The following CACNA1S variants were observed in gnomAD, a reference collection of about 807,000 sequenced individuals.
CACNA1S encodes the protein calcium voltage-gated channel subunit alpha1 S.
In CACNA1S, 126 loss-of-function variants were observed where a neutral mutation model predicts 207.4. The ratio of observed to expected loss-of-function variants is 0.61; its 90% confidence interval spans 0.53 to 0.70. CACNA1S has a LOEUF of 0.70. CACNA1S is among the 30% of genes least tolerant of loss of function. The probability of loss-of-function intolerance (pLI) is 0.00; values close to 1 mark genes in which losing one functional copy is unlikely to be tolerated. For synonymous variants in CACNA1S, 960 were observed against 932.7 expected (o/e 1.03, Z -0.53); for missense variants, 2,349 against 2,422.8 (o/e 0.97, Z 0.64).
intron 12 of CACNA1S, among the ~76,000 whole-genome samples, chr1:201,076,503 C>T (rs1174583776): frequency 6.6e-6 from 1 of 152,256 alleles, no homozygotes; most frequent in East Asian, 1.9e-4. Context: ...GCTGTGCCGC[C>T]CCTGCAGAGT....
intron 3 of CACNA1S, among the ~76,000 whole-genome samples, 194 bp downstream of exon 3, chr1:201,093,688 C>T (rs1430339475): frequency 2.0e-5 from 3 of 152,118 alleles, no homozygotes; most frequent in African/African-American, 4.8e-5. Context: ...CGGGCAGGGT[C>T]GGGGGCAATG....
chr1:201,077,090 G>A lies in CACNA1S; in HGVS notation c.1657C>T (p.Leu553Phe). ...TSLSNLVASL[L>F]NSIRSIASLL... The stretch of plus-strand genomic sequence containing the variant: ...GAGGCGATGGAGCGGATGGAGTTGA[G>A]CAGGGATGCCACCAGGTTGCTCAGC... The change falls in exon 12 of 44, where the codon CTC becomes TTC. Residue 553 changes from leucine to phenylalanine, a missense_variant. Coordinates refer to ENST00000362061, the MANE Select transcript of CACNA1S (RefSeq NM_000069.3). The A allele has an allele frequency of 6.2e-7, 1 of 1,614,196 alleles. No homozygotes were observed. Among genetic ancestry groups the A allele is most frequent in the East Asian group, 2.2e-5 (1 of 44,886 alleles).
Position 201,062,403 on chromosome 1 carries a change from ACTGTCCCACCATGCTCCCTGCCCCG to A in CACNA1S, c.2906+34_2906+58del. ...CTCCCACAGTGCTCCCTGCCCCGTG[ACTGTCCCACCATGCTCCCTGCCCCG>A]TGACCGTCCCACTGTGCTCCCTGCC... On this transcript the variant is annotated intron_variant, in intron 23 of 43. Coordinates refer to ENST00000362061, the MANE Select transcript of CACNA1S (RefSeq NM_000069.3). 8.5e-6 allele frequency: 13 copies of A among 1,528,700 alleles called. No individual in the cohort carries two copies. In the African/African-American group the frequency reaches 9.6e-5, roughly 11 times the overall value. The allele number at this position is 1,528,700 out of a possible 1,614,324, so 94.7% of individuals were successfully genotyped here. A position where few individuals can be genotyped will look rare whatever the true frequency, so the allele number is the denominator to read the frequency against.
chr1:201,086,361 C>T (rs1483241714), intron 7 of CACNA1S, among the ~76,000 whole-genome samples: 1 of 152,258 alleles, frequency 6.6e-6, no homozygotes, highest in African/African-American at 2.4e-5. Context: ...AAGCCAGTTA[C>T]AGCTAGGCTT....
chr1:201,107,692 A>C (rs548373783), intron 2 of CACNA1S, among the ~76,000 whole-genome samples: 1 of 152,206 alleles, frequency 6.6e-6, no homozygotes, highest in African/African-American at 2.4e-5. Context: ...ATAGGGCAAG[A>C]GAGAGAGTGC....
intron 26 of CACNA1S, among the ~76,000 whole-genome samples, chr1:201,060,249 G>T (rs1233879824): frequency 6.6e-6 from 1 of 152,134 alleles, no homozygotes; most frequent in African/African-American, 2.4e-5. Flanking sequence ...TCTATAAAGG[G>T]TGCTCAACTC....
chr1:201,108,080 A>C (rs550231682), intron 2 of CACNA1S, among the ~76,000 whole-genome samples: 28 of 151,704 alleles, frequency 1.8e-4, no homozygotes, highest in Non-Finnish European at 3.5e-4. Context: ...TTCAGGATGG[A>C]AGATGACATA....
In CACNA1S at chr1:201,075,631, A is replaced by G; in HGVS notation, c.1828-16T>C. ...CTGTCAGTACCTGTATGGAGGGAGG[A>G]TAGAGGGCTCGGGAACACAGAGGGG... On this transcript the variant is annotated splice_polypyrimidine_tract_variant and intron_variant, in intron 12 of 43. Transcript: ENST00000362061. 1 of 1,613,630 alleles carries G rather than the reference A, an allele frequency of 6.2e-7. No homozygotes were observed. The highest frequency in any genetic ancestry group is 8.5e-7 in the Non-Finnish European group (1 of 1,179,588).
rs761921972 is a variant in CACNA1S at position 201,085,450 on chromosome 1, T to C, written c.1136A>G (p.Glu379Gly). ...WITQGEVMDV[E>G]DFREGKLSLD... ...TGGGCCCAAACCTTCTCTGAAGTCC[T>C]CAACATCCATGACCTCGCCCTGCGT... is the stretch of plus-strand genomic sequence containing the variant. The change falls in exon 8 of 44, where the codon GAG becomes GGG. Residue 379 changes from glutamate (E) to glycine (G), a missense_variant. Coordinates refer to ENST00000362061, the MANE Select transcript of CACNA1S (RefSeq NM_000069.3). The C allele has an allele frequency of 5.6e-6, 9 of 1,613,344 alleles. No homozygotes were observed. The South Asian group carries it at 9.9e-5, about 18-fold the overall frequency.
intron 6 of CACNA1S, 85 bp downstream of exon 6, chr1:201,089,173 G>A: frequency 1.5e-6 from 2 of 1,299,916 alleles, no homozygotes; most frequent in Non-Finnish European, 2.2e-6. Flanking sequence ...GGCCTCCTGT[G>A]TGGACTGGCA....
intron 2 of CACNA1S, among the ~76,000 whole-genome samples, chr1:201,098,874 T>C (rs1279167086): frequency 1.3e-5 from 2 of 152,180 alleles, no homozygotes; most frequent in Non-Finnish European, 2.9e-5. Flanking sequence ...GAAATTCTCA[T>C]CCTTCCATAG....
In CACNA1S at chr1:201,091,669, A is replaced by T. The variant is rs1287586310; in HGVS notation, c.665T>A (p.Met222Lys). ...IIGLELFKGK[M>K]HKTCYFIGTD... ...ACCAATGAAGTAGCAGGTCTTGTGC[A>T]TCTTGCCCTTGAAGAGCTCCAGCCC... The change falls in exon 5 of 44, where the codon ATG (methionine) becomes AAG (lysine). Residue 222 changes from methionine (M) to lysine (K), a missense_variant. Physicochemically the swap from Met to Lys is moderately conservative, Grantham distance 95. Transcript: ENST00000362061. 37 of 1,614,110 alleles carry T rather than the reference A, an allele frequency of 2.3e-5. No homozygotes were observed. Among genetic ancestry groups the T allele is most frequent in the Non-Finnish European group, 3.1e-5 (37 of 1,180,048 alleles).
In CACNA1S at chr1:201,066,840, G is replaced by C; in HGVS notation, c.2657+47C>G. On this transcript the variant is annotated intron_variant, in intron 20 of 43. Coordinates refer to ENST00000362061, the MANE Select transcript of CACNA1S (RefSeq NM_000069.3). The surrounding 1 kb of genome is among the most constrained non-coding windows in gnomAD (Gnocchi z 4.3). ...ACTCCCACTACAAAGCCCTGGCACAGAGCAGAGGGTGGTCTGTGCCCAGGG... is the reference window on the plus strand; with the variant it reads ...ACTCCCACTACAAAGCCCTGGCACACAGCAGAGGGTGGTCTGTGCCCAGGG... The C allele has an allele frequency of 7.1e-7, 1 of 1,412,266 alleles. No homozygotes were observed. The highest frequency in any genetic ancestry group is 1.0e-6 in the Non-Finnish European group (1 of 1,000,786). The allele number at this position is 1,412,266 out of a possible 1,614,324, so 87.5% of individuals were successfully genotyped here.
At chr1:201,075,703 A>C in intron 12 of CACNA1S, 88 bp from the exon 13 acceptor site, 1 of 1,429,486 alleles carries the variant, frequency 7.0e-7, no homozygotes, top group Non-Finnish European at 9.8e-7. Flanking sequence ...TTCTCCTCCA[A>C]CTCTGTGGTT....
At chr1:201,093,137 C>A (rs57397293) in intron 3 of CACNA1S, among the ~76,000 whole-genome samples, 34,337 of 152,156 alleles carry the variant, frequency 0.23, 4,148 homozygotes, top group Middle Eastern at 0.31. Context: ...AGATATGTTC[C>A]TTCTAAATTC....
intron 2 of CACNA1S, among the ~76,000 whole-genome samples, chr1:201,108,796 C>T (rs72751115): frequency 0.077 from 11,658 of 152,286 alleles, 609 homozygotes; most frequent in Admixed American, 0.13. Flanking sequence ...TGCCTCCTCC[C>T]TCCCAGGCCC....
At chr1:201,058,609 TG>T in intron 27 of CACNA1S, 118 bp from the exon 28 acceptor site, 1 of 784,628 alleles carries the variant, frequency 1.3e-6, no homozygotes, top group African/African-American at 1.7e-5. Flanking sequence ...TAGGCCAAGG[TG>T]GGGTGCCCAT....
At position 201,075,540 on chromosome 1, in the gene CACNA1S, T is replaced by C. The variant is rs201784750; in HGVS notation, c.1903A>G (p.Met635Val). The C allele has an allele frequency of 2.4e-4, 383 of 1,601,642 alleles. 3 individuals carry two copies. Among genetic ancestry groups the C allele is most frequent in the South Asian group, 1.2e-3 (106 of 90,910 alleles). ...MAYGGPSYPG[M>V]LVCIYFIILF... ...ATGATGAAGTAAATGCACACAAGCA[T>C]GCCAGGGTAGGACGGCCCGCCGTAG... Residue 635 changes from methionine to valine, a missense_variant, in exon 13 of 44, where the codon ATG becomes GTG. Transcript: ENST00000362061.
rs1663160172 is a variant in CACNA1S, at chr1:201,112,364, T to C, written c.-25A>G. The C allele has an allele frequency of 1.2e-6, 2 of 1,613,710 alleles. No homozygotes were observed. Among genetic ancestry groups the C allele is most frequent in the Non-Finnish European group, 1.7e-6 (2 of 1,179,902 alleles). On this transcript the variant is annotated 5_prime_UTR_variant, in exon 1 of 44. Coordinates refer to ENST00000362061, the MANE Select transcript of CACNA1S (RefSeq NM_000069.3). Reference sequence around the variant, plus strand: ...TGGCTTCCCTGGGAATCTGGCTTTCTCCTGCTCCCCCACCCCAGTGCTTTC... The same window carrying C: ...TGGCTTCCCTGGGAATCTGGCTTTCCCCTGCTCCCCCACCCCAGTGCTTTC...
Sources: allele counts gnomAD v4.1 joint callset (sites outside exome capture counted in the v4.1 genomes callset), GRCh38; gene constraint gnomAD v4.1.1; non-coding constraint Gnocchi (gnomAD v3.1); transcripts MANE v1.5; gene names NCBI Gene and HGNC (gene_info 2026-07-23, HGNC 2026-07-21).